The following E2F8 variants were observed in gnomAD, a reference collection of about 807,000 sequenced individuals.
E2F8 encodes the protein E2F transcription factor 8, also known as transcription factor E2F8.
E2F8 carries 35 observed loss-of-function variants against 80.8 expected under a neutral mutation model. That is an observed-to-expected ratio of 0.43 (90% CI 0.33 to 0.57). The LOEUF is 0.57. Ranked by LOEUF, E2F8 falls within the 20% of genes least tolerant of loss-of-function variation. E2F8 has a pLI of 0.04. For synonymous variants in E2F8, 386 were observed against 395.0 expected (o/e 0.98, Z 0.27); for missense variants, 975 against 1,056.2 (o/e 0.92, Z 1.07).
Position 19,234,432 on chromosome 11 carries a change from T to C in E2F8, c.856A>G (p.Ser286Gly). ...LFLVSTPQIV[S>G]LEVAAKILIG... ...AAAATCTTGGCAGCAACTTCTAGGC[T>C]TACTATCTGAGGCGTTGACACCAAA... The change falls in exon 6 of 13, where the codon AGC (serine) becomes GGC (glycine). Residue 286 changes from serine (S) to glycine (G), a missense_variant. Coordinates refer to ENST00000250024, the MANE Select transcript of E2F8 (RefSeq NM_024680.4). 3 of 1,614,192 alleles carry C rather than the reference T, an allele frequency of 1.9e-6. No individual in the cohort carries two copies. The highest frequency in any genetic ancestry group is 2.2e-5 in the South Asian group (2 of 91,084).
chr11:19,230,946 G>A, intron 7 of E2F8, 112 bp from the exon 8 acceptor site: 1 of 897,190 alleles, frequency 1.1e-6, no homozygotes, highest in Non-Finnish European at 1.7e-6. Flanking sequence ...CACCGACCAT[G>A]TGCCTGTCAC....
At chr11:19,239,141 T>C (rs1426391246) in intron 2 of E2F8, among the ~76,000 whole-genome samples, 2 of 152,222 alleles carry the variant, frequency 1.3e-5, no homozygotes, top group African/African-American at 4.8e-5. Flanking sequence ...ATGGGACATG[T>C]TGTGACATCT....
Position 19,240,545 on chromosome 11 carries a change from C to T in E2F8, c.-110+3G>A, listed in dbSNP as rs1851631736. 6.5e-6 allele frequency: 1 copy of T among 153,392 alleles called. No individual in the cohort carries two copies. The highest frequency in any genetic ancestry group is 2.0e-4 in the South Asian group (1 of 4,952). The allele number at this position is 153,392 out of a possible 1,614,324, so 9.5% of individuals were successfully genotyped here. On this transcript the variant is annotated splice_donor_region_variant and intron_variant, in intron 1 of 12. Coordinates refer to ENST00000250024, the MANE Select transcript of E2F8 (RefSeq NM_024680.4). ...CCCAGCGAATACTTTAGGAAGCACC[C>T]ACCTGTTCGCAGATCAGGGCTCCGG... is the stretch of plus-strand genomic sequence containing the variant.
intron 2 of E2F8, among the ~76,000 whole-genome samples, chr11:19,238,416 A>T (rs1851579334): frequency 6.6e-6 from 1 of 152,214 alleles, no homozygotes; most frequent in African/African-American, 2.4e-5. Context: ...TATAATTTTA[A>T]TTGTATTTTG....
In E2F8 at chr11:19,234,912, T is replaced by G. The variant is rs1187330496; in HGVS notation, c.598A>C (p.Asn200His). ...ATCATAATCTGCTCGGCGTACTTAT[T>G]CTCCTCCCCGATGCTCTTCAAGGTG... ...LGTLKSIGEE[N>H]KYAEQIMMIK... Residue 200 changes from asparagine to histidine, a missense_variant, in exon 5 of 13, where the codon AAT (asparagine) becomes CAT (histidine). Coordinates refer to ENST00000250024, the MANE Select transcript of E2F8 (RefSeq NM_024680.4). 2 of 1,614,112 alleles carry G rather than the reference T, an allele frequency of 1.2e-6. No individual in the cohort carries two copies. The highest frequency in any genetic ancestry group is 1.7e-6 in the Non-Finnish European group (2 of 1,180,042).
chr11:19,239,727 T>G (rs952346118), intron 2 of E2F8, among the ~76,000 whole-genome samples: 11 of 151,668 alleles, frequency 7.3e-5, no homozygotes, highest in African/African-American at 2.7e-4. Context: ...CTCTTTCTAG[T>G]TTTTAATGAT....
intron 12 of E2F8, 109 bp downstream of exon 12, chr11:19,225,112 C>T: frequency 1.4e-6 from 2 of 1,463,838 alleles, no homozygotes; most frequent in African/African-American, 2.8e-5. Flanking sequence ...CCTGACTTTC[C>T]CATCCTTTCC....
rs1851303098 is a variant in E2F8 at position 19,229,005 on chromosome 11, TA to T, written c.1893+448del. Among the ~76,000 whole-genome samples the T allele has an allele frequency of 6.6e-6, 1 of 152,210 alleles. No homozygotes were observed. The highest frequency in any genetic ancestry group is 1.5e-5 in the Non-Finnish European group (1 of 68,024). On this transcript the variant is annotated intron_variant, in intron 10 of 12. Coordinates refer to ENST00000250024, the MANE Select transcript of E2F8 (RefSeq NM_024680.4). The surrounding 1 kb of genome is among the most constrained non-coding windows in gnomAD (Gnocchi z 4.3). ...TTTGATTTAAATTTTAGGTAGAAAG[TA>T]AAAACGGGGAGCAATTTATCTTCTA...
rs1186034939 is a variant in E2F8 at position 19,225,856 on chromosome 11, G to C, written c.1902C>G (p.Phe634Leu). 1 of 1,613,462 alleles carries C rather than the reference G, an allele frequency of 6.2e-7. No individual in the cohort carries two copies. Among genetic ancestry groups the C allele is most frequent in the Admixed American group, 1.7e-5 (1 of 59,764 alleles). The stretch of plus-strand genomic sequence containing the variant: ...TGAGAGGGATTAGGTATCCTGATGG[G>C]AACAAGGTCTAGAAAACAAGGAGGA... Reference protein sequence around the residue: ...KGLENVSATLFPSGYLIPLTQ... With the variant: ...KGLENVSATLLPSGYLIPLTQ... The change falls in exon 11 of 13, where the codon TTC becomes TTG. Residue 634 changes from phenylalanine (F) to leucine (L), a missense_variant. Transcript: ENST00000250024.
intron 2 of E2F8, among the ~76,000 whole-genome samples, chr11:19,239,570 C>A (rs1851607598): frequency 6.6e-6 from 1 of 151,790 alleles, no homozygotes; most frequent in African/African-American, 2.4e-5. Context: ...AATAAGCTGC[C>A]AATTTGGTAA....
chr11:19,237,684 T>A (rs1323267295), intron 3 of E2F8, among the ~76,000 whole-genome samples, 170 bp downstream of exon 3: 1 of 152,180 alleles, frequency 6.6e-6, no homozygotes, highest in Non-Finnish European at 1.5e-5. Context: ...AGGTTCAGAA[T>A]TCCCAGAGCT....
chr11:19,224,730 A>G lies in E2F8; in HGVS notation c.2532T>C (p.Ala844=). ...AGAGAGTTCCTAAGGAGGTTTTATT[A>G]GCACCCTCAAAATCCATGCAGGATG... ...TSSSCMDFEG[A]NKTSLGTLFV... Residue 844 remains alanine (A), a synonymous_variant, in exon 13 of 13, where the codon GCT becomes GCC. Coordinates refer to ENST00000250024, the MANE Select transcript of E2F8 (RefSeq NM_024680.4). The G allele has an allele frequency of 6.2e-7, 1 of 1,614,236 alleles. No individual in the cohort carries two copies. Among genetic ancestry groups the G allele is most frequent in the South Asian group, 1.1e-5 (1 of 91,084 alleles).
chr11:19,226,712 G>A (rs1303502911), intron 10 of E2F8, among the ~76,000 whole-genome samples: 1 of 152,158 alleles, frequency 6.6e-6, no homozygotes, highest in Admixed American at 6.5e-5. Context: ...CCCAAAAAAT[G>A]TCTACTATCT....
intron 6 of E2F8, among the ~76,000 whole-genome samples, chr11:19,232,997 A>G (rs905230128): frequency 6.6e-6 from 1 of 152,224 alleles, no homozygotes; most frequent in Non-Finnish European, 1.5e-5. Flanking sequence ...TAGCCATATC[A>G]GAAGGTTCTG....
chr11:19,237,821 C>T (rs1192691820), intron 3 of E2F8, 33 bp downstream of exon 3: 1 of 1,572,402 alleles, frequency 6.4e-7, no homozygotes, highest in Non-Finnish European at 8.6e-7. Context: ...CCAACAAATT[C>T]CCCAGCCTCC....
chr11:19,230,756 A>C lies in E2F8; in HGVS notation c.1145T>G (p.Leu382Arg). Residue 382 changes from leucine to arginine, a missense_variant, in exon 8 of 13, where the codon CTC becomes CGC. By Grantham distance (102) the Leu-to-Arg change is moderately radical. Transcript: ENST00000250024. ...GTTTGGTTTCCCACGTGTGGAAAAGAGGTTTTTGGCACAGTTCTCTTTTGA... is the reference window on the plus strand; with the variant it reads ...GTTTGGTTTCCCACGTGTGGAAAAGCGGTTTTTGGCACAGTTCTCTTTTGA... ...RSSKENCAKN[L>R]FSTRGKPNFT... The C allele has an allele frequency of 6.2e-7, 1 of 1,614,094 alleles. No individual in the cohort carries two copies. Among genetic ancestry groups the C allele is most frequent in the Non-Finnish European group, 8.5e-7 (1 of 1,179,950 alleles).
chr11:19,238,504 T>C (rs780410708), intron 2 of E2F8, among the ~76,000 whole-genome samples: 2 of 152,226 alleles, frequency 1.3e-5, no homozygotes, highest in Non-Finnish European at 2.9e-5. Context: ...TTCCCCTAAT[T>C]GGACTGACAA....
intron 3 of E2F8, 126 bp downstream of exon 3, chr11:19,237,728 C>T (rs1371455338): frequency 9.2e-6 from 12 of 1,300,954 alleles, no homozygotes; most frequent in African/African-American, 1.5e-5. Flanking sequence ...TCTGGTGCTC[C>T]GAAGGAAGTT....
intron 10 of E2F8, among the ~76,000 whole-genome samples, chr11:19,228,651 T>C (rs1851295357): frequency 6.6e-6 from 1 of 152,188 alleles, no homozygotes; most frequent in Admixed American, 6.5e-5. Flanking sequence ...CAGAGAGAAG[T>C]AAAATAGCTT....
Sources: allele counts gnomAD v4.1 joint callset (sites outside exome capture counted in the v4.1 genomes callset), GRCh38; gene constraint gnomAD v4.1.1; non-coding constraint Gnocchi (gnomAD v3.1); transcripts MANE v1.5; gene names NCBI Gene and HGNC (gene_info 2026-07-23, HGNC 2026-07-21).